TUT4: variants seen among roughly 807,000 people sequenced by gnomAD.
The protein encoded by TUT4 is terminal uridylyl transferase 4.
In TUT4, 36 loss-of-function variants were observed where a neutral mutation model predicts 192.2. The observed-to-expected ratio is 0.19, with a 90% CI of 0.14 to 0.25. The LOEUF (loss-of-function observed/expected upper bound fraction) is 0.25, where lower values mean the gene tolerates loss of function less well. Ranked by LOEUF, TUT4 falls within the 10% of genes least tolerant of loss-of-function variation. The pLI is 1.00. For missense variants in TUT4, 1,493 were observed against 1,957.2 expected (o/e 0.76, Z 4.47); for synonymous variants, 618 against 666.0 (o/e 0.93, Z 1.11).
chr1:52,481,297 G>C (rs906690555), intron 11 of TUT4, 126 bp downstream of exon 11: 1 of 957,552 alleles, frequency 1.0e-6, no homozygotes, highest in African/African-American at 1.6e-5. Context: ...TCACTTTATA[G>C]ATGAGGAAAA....
At chr1:52,521,816 T>G (rs890354736) in intron 2 of TUT4, among the ~76,000 whole-genome samples, 44 of 151,950 alleles carry the variant, frequency 2.9e-4, no homozygotes, top group African/African-American at 1.1e-3. Flanking sequence ...ATACAAAAAT[T>G]AGCCAGGTGT....
chr1:52,477,144 C>A (rs1277456720), intron 12 of TUT4, among the ~76,000 whole-genome samples: 2 of 152,206 alleles, frequency 1.3e-5, no homozygotes, highest in Admixed American at 1.3e-4. Flanking sequence ...TGTATTTCTG[C>A]AAGTTTGCAT....
chr1:52,449,449 C>T (rs1419773685), intron 20 of TUT4, among the ~76,000 whole-genome samples: 1 of 152,148 alleles, frequency 6.6e-6, no homozygotes, highest in Non-Finnish European at 1.5e-5. Flanking sequence ...CAGGCATATG[C>T]CACCATGCCT....
intron 12 of TUT4, among the ~76,000 whole-genome samples, 176 bp from the exon 13 acceptor site, chr1:52,475,711 A>T (rs1666907534): frequency 6.6e-6 from 1 of 152,148 alleles, no homozygotes; most frequent in Non-Finnish European, 1.5e-5. Flanking sequence ...CAATTGCAAC[A>T]TTTTTTTCTT....
chr1:52,435,127 TGTACAATTGAAGAGTAG>T (rs1458319332), intron 27 of TUT4: 1 of 303,992 alleles, frequency 3.3e-6, no homozygotes, highest in Non-Finnish European at 6.0e-6. Flanking sequence ...AGGTAGTTAT[TGTACAATTGAAGAGTAG>T]GCTCATATAA....
intron 28 of TUT4, among the ~76,000 whole-genome samples, chr1:52,429,395 C>T (rs1651231262): frequency 6.6e-6 from 1 of 151,282 alleles, no homozygotes. Context: ...AAAAGTTGGG[C>T]ATAAGTCAGG....
chr1:52,471,013 T>C (rs1016301990), intron 14 of TUT4, among the ~76,000 whole-genome samples: 1 of 143,928 alleles, frequency 6.9e-6, no homozygotes, highest in Non-Finnish European at 1.5e-5. Flanking sequence ...CTATGCTTTT[T>C]TTTTTTTTTT....
intron 2 of TUT4, among the ~76,000 whole-genome samples, chr1:52,521,350 T>C (rs1049220072): frequency 6.6e-6 from 1 of 152,156 alleles, no homozygotes; most frequent in African/African-American, 2.4e-5. Context: ...CAAATTTCTA[T>C]ATAACCTATC....
At chr1:52,552,787 C>T (rs1351608217) in intron 1 of TUT4, 144 bp downstream of exon 1, 1 of 152,340 alleles carries the variant, frequency 6.6e-6, no homozygotes, top group East Asian at 1.9e-4. Flanking sequence ...TGTCAGGCCC[C>T]CAGGGGGCGG....
intron 1 of TUT4, among the ~76,000 whole-genome samples, chr1:52,551,840 AAACAG>A (rs1274078826): frequency 3.2e-4 from 49 of 152,212 alleles, no homozygotes; most frequent in Admixed American, 3.1e-3. Flanking sequence ...TTAAAAACAG[AAACAG>A]GATATGTTCT....
chr1:52,530,062 C>T (rs925149866), intron 1 of TUT4, among the ~76,000 whole-genome samples: 7 of 152,046 alleles, frequency 4.6e-5, no homozygotes, highest in Admixed American at 3.3e-4. Context: ...AGGCTGGTTT[C>T]GAAGCCCTGA....
intron 1 of TUT4, among the ~76,000 whole-genome samples, chr1:52,533,858 G>A (rs1037469686): frequency 1.3e-5 from 2 of 152,034 alleles, no homozygotes; most frequent in African/African-American, 4.8e-5. Context: ...CCCAGCTACT[G>A]GGGAGAATGA....
At chr1:52,437,083 C>A (rs1289419937) in intron 25 of TUT4, 105 bp from the exon 26 acceptor site, 3 of 1,449,078 alleles carry the variant, frequency 2.1e-6, no homozygotes, top group Non-Finnish European at 1.8e-6. Context: ...CCCATCATTT[C>A]ATGCGTCTTT....
rs1004498626 is a variant in TUT4, at chr1:52,489,072, T to C, written c.1389-37A>G. ...AAAGAAACAAATTTCATTGTATTAATACCCTTAAAAGCAGAATACTTCAAA... is the reference window on the plus strand; with the variant it reads ...AAAGAAACAAATTTCATTGTATTAACACCCTTAAAAGCAGAATACTTCAAA... On this transcript the variant is annotated intron_variant, in intron 8 of 29. Transcript: ENST00000257177. 5 of 1,586,316 alleles carry C rather than the reference T, an allele frequency of 3.2e-6. No individual in the cohort carries two copies. The African/African-American group carries it at 5.4e-5, about 17-fold the overall frequency.
chr1:52,516,747 G>A (rs754715166), intron 2 of TUT4, among the ~76,000 whole-genome samples: 33 of 152,142 alleles, frequency 2.2e-4, no homozygotes, highest in Non-Finnish European at 1.0e-4. Context: ...GAAGAGTTCA[G>A]AATAAAGTTT....
intron 25 of TUT4, 56 bp downstream of exon 25, chr1:52,438,164 C>CA: frequency 7.6e-7 from 1 of 1,323,342 alleles, no homozygotes; most frequent in Non-Finnish European, 1.1e-6. Flanking sequence ...ATTATAGCTA[C>CA]AAATTGGCCT....
intron 13 of TUT4, among the ~76,000 whole-genome samples, chr1:52,474,511 G>T (rs1666611608): frequency 6.6e-6 from 1 of 151,840 alleles, no homozygotes; most frequent in Non-Finnish European, 1.5e-5. Flanking sequence ...GCTTTTGTTG[G>T]GGAAAAAAAT....
In TUT4 at chr1:52,431,320, A is replaced by G. The variant is rs1246929025; in HGVS notation, c.4404T>C (p.His1468=). Residue 1468 remains histidine (H), a synonymous_variant, in exon 28 of 30, where the codon CAT becomes CAC. Transcript: ENST00000257177. ...GPPQQGAQPP[H]QVQMPLYNFP... The stretch of plus-strand genomic sequence containing the variant: ...AGTTATACAGTGGCATCTGGACCTG[A>G]TGGGGAGGTTGGGCTCCCTGCTGAG... 1.2e-6 allele frequency: 2 copies of G among 1,613,992 alleles called. No individual in the cohort carries two copies. The highest frequency in any genetic ancestry group is 1.7e-6 in the Non-Finnish European group (2 of 1,180,012).
At chr1:52,546,653 T>C (rs1464375620) in intron 1 of TUT4, among the ~76,000 whole-genome samples, 3 of 152,204 alleles carry the variant, frequency 2.0e-5, no homozygotes, top group African/African-American at 7.2e-5. Context: ...TACCACTGAA[T>C]GATACACTTA....
Sources: allele counts gnomAD v4.1 joint callset (sites outside exome capture counted in the v4.1 genomes callset), GRCh38; gene constraint gnomAD v4.1.1; transcripts MANE v1.5; gene names NCBI Gene and HGNC (gene_info 2026-07-23, HGNC 2026-07-21).